TRMT11: variants seen among roughly 807,000 people sequenced by gnomAD.
TRMT11 encodes the protein tRNA methyltransferase 11.
A neutral mutation model predicts 62.8 loss-of-function variants in TRMT11; 53 were observed. The observed-to-expected ratio is 0.84, with a 90% CI of 0.68 to 1.06. The LOEUF (loss-of-function observed/expected upper bound fraction) is 1.06, where lower values mean the gene tolerates loss of function less well. Ranked by LOEUF, TRMT11 falls within the 50% of genes least tolerant of loss-of-function variation. The pLI is 0.00. For missense variants in TRMT11, 556 were observed against 553.4 expected (o/e 1.00, Z -0.05); for synonymous variants, 188 against 190.3 (o/e 0.99, Z 0.10).
At chr6:126,166,912 G>A (rs1778274160) in intron 21 of TRMT11, among the ~76,000 whole-genome samples, 1 of 152,170 alleles carries the variant, frequency 6.6e-6, no homozygotes, top group African/African-American at 2.4e-5. Flanking sequence ...TGTTTACAGT[G>A]TGAGGAGAAA....
At chr6:126,055,723 C>A (rs753099395) in intron 17 of TRMT11, among the ~76,000 whole-genome samples, 17 of 152,154 alleles carry the variant, frequency 1.1e-4, no homozygotes, top group South Asian at 6.2e-4. Flanking sequence ...TGACTAAACC[C>A]GTTTCTTTGT....
At chr6:126,069,737 C>T (rs1360850669) in intron 17 of TRMT11, among the ~76,000 whole-genome samples, 1 of 152,046 alleles carries the variant, frequency 6.6e-6, no homozygotes, top group East Asian at 1.9e-4. Flanking sequence ...GAGACATCAT[C>T]TTCTCTGGTT....
chr6:126,138,213 C>T (rs1378818248), intron 21 of TRMT11, among the ~76,000 whole-genome samples: 1 of 151,704 alleles, frequency 6.6e-6, no homozygotes, highest in Non-Finnish European at 1.5e-5. Flanking sequence ...ATTAAAATAC[C>T]ATGTTCACAA....
chr6:126,026,278 A>G (rs1444772965), intron 12 of TRMT11, among the ~76,000 whole-genome samples: 2 of 152,164 alleles, frequency 1.3e-5, no homozygotes, highest in Admixed American at 6.5e-5. Context: ...TCCTCTTTGT[A>G]CTTGAAATTC....
chr6:125,993,124 C>T (rs1405169154), intron 1 of TRMT11, among the ~76,000 whole-genome samples: 1 of 152,070 alleles, frequency 6.6e-6, no homozygotes, highest in Non-Finnish European at 1.5e-5. Flanking sequence ...GAGTGTGATT[C>T]TACCTGTTTT....
In TRMT11 at chr6:125,995,360, A is replaced by T. The variant is rs556381528; in HGVS notation, c.139-607A>T. Reference sequence around the variant, plus strand: ...TTTTGCTGTGTTCTGGCAAGAGGTTATCTGGCTGCAGCTTACCAGTGCCTG... The same window carrying T: ...TTTTGCTGTGTTCTGGCAAGAGGTTTTCTGGCTGCAGCTTACCAGTGCCTG... On this transcript the variant is annotated intron_variant, in intron 2 of 12. Coordinates refer to ENST00000334379, the MANE Select transcript of TRMT11 (RefSeq NM_001031712.3). 3.2e-4 allele frequency among the ~76,000 whole-genome samples: 48 copies of T among 152,276 alleles called. No individual in the cohort carries two copies. The East Asian group carries it at 9.3e-3, about 29-fold the overall frequency.
At chr6:126,226,358 C>T in the TRMT11 span, among the ~76,000 whole-genome samples, 5 of 152,088 alleles carry the variant, frequency 3.3e-5, no homozygotes, top group African/African-American at 1.2e-4. Flanking sequence ...GCTGTATAGA[C>T]CTTGCCAATC....
intron 17 of TRMT11, among the ~76,000 whole-genome samples, chr6:126,108,049 A>C (rs1288429949): frequency 6.6e-6 from 1 of 152,184 alleles, no homozygotes; most frequent in Non-Finnish European, 1.5e-5. Context: ...AGGAAATGAG[A>C]AAGTAACACA....
At chr6:126,004,846 A>AG in intron 7 of TRMT11, among the ~76,000 whole-genome samples, 1 of 152,100 alleles carries the variant, frequency 6.6e-6, no homozygotes, top group Non-Finnish European at 1.5e-5. Flanking sequence ...GAGAAAAATA[A>AG]TCTTTTCATG....
intron 17 of TRMT11, among the ~76,000 whole-genome samples, chr6:126,055,728 CTTTG>C (rs1320435384): frequency 1.3e-5 from 2 of 152,066 alleles, no homozygotes; most frequent in East Asian, 1.9e-4. Flanking sequence ...AAACCCGTTT[CTTTG>C]TTTATGTTTC....
chr6:126,263,398 C>G, the TRMT11 span, among the ~76,000 whole-genome samples: 2 of 152,076 alleles, frequency 1.3e-5, no homozygotes, highest in Non-Finnish European at 2.9e-5. Context: ...TATCACTAAA[C>G]TCTTCTTTAT....
At chr6:126,108,235 T>C (rs1777485753) in intron 17 of TRMT11, among the ~76,000 whole-genome samples, 1 of 152,234 alleles carries the variant, frequency 6.6e-6, no homozygotes, top group Non-Finnish European at 1.5e-5. Context: ...TTATTTATGC[T>C]CATGTCTTTT....
chr6:126,028,639 G>T (rs1463961924), intron 12 of TRMT11, among the ~76,000 whole-genome samples: 2 of 152,070 alleles, frequency 1.3e-5, no homozygotes, highest in African/African-American at 4.8e-5. Context: ...TTACATCGTG[G>T]AGGATCATTT....
chr6:126,026,402 TTTGAGATAGAGTCTTACTCTG>T (rs1773101225), intron 12 of TRMT11, among the ~76,000 whole-genome samples: 1 of 152,176 alleles, frequency 6.6e-6, no homozygotes, highest in Non-Finnish European at 1.5e-5. Context: ...TAATTTTTTT[TTTGAGATAGAGTCTTACTCTG>T]TTGCCAGGCT....
At chr6:126,240,677 G>A in the TRMT11 span, among the ~76,000 whole-genome samples, 1 of 152,244 alleles carries the variant, frequency 6.6e-6, no homozygotes, top group Non-Finnish European at 1.5e-5. Context: ...TGAGGAGGCA[G>A]TCTGTCCATT....
At chr6:126,250,756 A>G in the TRMT11 span, among the ~76,000 whole-genome samples, 4 of 152,188 alleles carry the variant, frequency 2.6e-5, no homozygotes, top group Non-Finnish European at 4.4e-5. Flanking sequence ...ACTTGACTAT[A>G]TCCTTCTACC....
intron 3 of TRMT11, among the ~76,000 whole-genome samples, chr6:126,201,772 T>C (rs1258585703): frequency 1.1e-4 from 17 of 152,190 alleles, no homozygotes; most frequent in Non-Finnish European, 2.5e-4. Context: ...TTCATTCTCC[T>C]CATTTTCTCT....
intron 21 of TRMT11, among the ~76,000 whole-genome samples, chr6:126,125,669 G>A (rs902059183): frequency 1.2e-4 from 18 of 152,030 alleles, no homozygotes; most frequent in Non-Finnish European, 2.2e-4. Flanking sequence ...TCTTCTTGAA[G>A]TACTTCTTTC....
At chr6:126,106,497 C>T (rs1027679209) in intron 17 of TRMT11, among the ~76,000 whole-genome samples, 3 of 152,072 alleles carry the variant, frequency 2.0e-5, no homozygotes, top group Non-Finnish European at 4.4e-5. Flanking sequence ...CTACTTCTCG[C>T]GCTGTTGGAA....
Sources: allele counts gnomAD v4.1 joint callset (sites outside exome capture counted in the v4.1 genomes callset), GRCh38; gene constraint gnomAD v4.1.1; transcripts MANE v1.5; gene names NCBI Gene and HGNC (gene_info 2026-07-23, HGNC 2026-07-21).